BEND2: variants seen among roughly 807,000 people sequenced by gnomAD.
The protein encoded by BEND2 is BEN domain containing 2, also known as BEN domain-containing protein 2.
A neutral mutation model predicts 43.8 loss-of-function variants in BEND2; 19 were observed. The observed-to-expected ratio is 0.43, with a 90% confidence interval of 0.30 to 0.64. BEND2 has a LOEUF of 0.64. Among genes scored for constraint, BEND2 ranks in the 30% least tolerant of loss-of-function variants. The probability of loss-of-function intolerance (pLI) is 0.11; values close to 1 mark genes in which losing one functional copy is unlikely to be tolerated. For synonymous variants in BEND2, 226 were observed against 210.1 expected (o/e 1.08, Z -0.66); for missense variants, 544 against 574.0 (o/e 0.95, Z 0.53).
chrX:18,179,612 G>C (rs963865474), intron 9 of BEND2, among the ~76,000 whole-genome samples: 1 of 112,190 alleles, frequency 8.9e-6, no homozygotes, highest in Non-Finnish European at 1.9e-5. Flanking sequence ...CCATGGCCAC[G>C]CCTATTCATT....
chrX:18,193,320 CT>C (rs1321001984), intron 7 of BEND2, among the ~76,000 whole-genome samples: 2 of 93,871 alleles, frequency 2.1e-5, no homozygotes, highest in African/African-American at 4.0e-5. Flanking sequence ...TTTTGAGACT[CT>C]GTCTCACAAA....
Position 18,195,282 on chromosome X carries a change from T to G in BEND2, c.1180+14A>C. 2.5e-6 allele frequency: 3 copies of G among 1,194,793 alleles called. No homozygotes were observed. Among genetic ancestry groups the G allele is most frequent in the Non-Finnish European group, 3.4e-6 (3 of 888,965 alleles). ...TGAGAGGCCTGCTTGTGATATCCAT[T>G]ATTTCAAACTCACCAAAATTAGAAG... On this transcript the variant is annotated intron_variant, in intron 7 of 13. Transcript: ENST00000380033.
intron 8 of BEND2, among the ~76,000 whole-genome samples, chrX:18,185,031 C>A (rs1390091014): frequency 9.2e-6 from 1 of 109,056 alleles, no homozygotes; most frequent in Non-Finnish European, 1.9e-5. Flanking sequence ...CTGAAGAATG[C>A]ATCAGGGTCT....
At chrX:18,201,702 A>C in intron 6 of BEND2, 113 bp downstream of exon 6, 1 of 882,828 alleles carries the variant, frequency 1.1e-6, no homozygotes, top group Non-Finnish European at 1.5e-6. Flanking sequence ...CATGTTGGTC[A>C]GGCTGGTCTC....
At chrX:18,177,897 T>A in intron 9 of BEND2, 128 bp from the exon 10 acceptor site, 1 of 632,981 alleles carries the variant, frequency 1.6e-6, no homozygotes, top group Non-Finnish European at 2.4e-6. Context: ...AGATAAATGA[T>A]TTCTAATTCA....
chrX:18,195,790 T>G (rs1924925086), intron 6 of BEND2, among the ~76,000 whole-genome samples: 1 of 105,127 alleles, frequency 9.5e-6, no homozygotes, highest in Non-Finnish European at 1.9e-5. Flanking sequence ...TGAGGGAGGG[T>G]CACCTGAGCC....
chrX:18,198,218 A>G (rs1317733110), intron 6 of BEND2, among the ~76,000 whole-genome samples: 3 of 110,839 alleles, frequency 2.7e-5, no homozygotes, highest in African/African-American at 6.6e-5. Flanking sequence ...TAATCAAACT[A>G]AAGAGCTTCT....
intron 8 of BEND2, among the ~76,000 whole-genome samples, chrX:18,184,590 G>A (rs1924508297): frequency 1.8e-5 from 2 of 112,100 alleles, no homozygotes; most frequent in Admixed American, 1.9e-4. Context: ...CTGCATTACT[G>A]GACTTGGGGT....
Position 18,201,795 on chromosome X carries a change from A to G in BEND2, c.1033+20T>C, listed in dbSNP as rs757820042. 15 of 1,197,586 alleles carry G rather than the reference A, an allele frequency of 1.3e-5. No individual in the cohort carries two copies. The highest frequency in any genetic ancestry group is 2.3e-4 in the Middle Eastern group (1 of 4,309). On this transcript the variant is annotated intron_variant, in intron 6 of 13. Coordinates refer to ENST00000380033, the MANE Select transcript of BEND2 (RefSeq NM_153346.5). ...AGTGTGAGCCACCACGCCCAGCATT[A>G]TGTATCATTTCAAACTCACCAAAAT...
chrX:18,191,849 G>A (rs1324535195), intron 7 of BEND2, among the ~76,000 whole-genome samples: 7 of 112,025 alleles, frequency 6.2e-5, no homozygotes, highest in East Asian at 5.6e-4. Flanking sequence ...AAGGTATCAC[G>A]TCAACACCCT....
intron 8 of BEND2, among the ~76,000 whole-genome samples, chrX:18,189,302 G>T (rs1472390406): frequency 1.8e-5 from 2 of 110,753 alleles, no homozygotes; most frequent in Non-Finnish European, 3.8e-5. Context: ...GAGCCCAGGA[G>T]ATTGAGACCA....
intron 4 of BEND2, among the ~76,000 whole-genome samples, chrX:18,205,906 C>T (rs1925319406): frequency 9.0e-6 from 1 of 111,066 alleles, no homozygotes; most frequent in South Asian, 3.8e-4. Flanking sequence ...AACCACTGGG[C>T]TATGGCACTG....
At chrX:18,172,635 A>G (rs1452381578) in intron 12 of BEND2, among the ~76,000 whole-genome samples, 1 of 110,749 alleles carries the variant, frequency 9.0e-6, no homozygotes, top group Admixed American at 9.7e-5. Flanking sequence ...TGGAGGTTGC[A>G]GTGAGCCGAG....
chrX:18,193,004 A>G (rs1327117595), intron 7 of BEND2, among the ~76,000 whole-genome samples: 1 of 110,169 alleles, frequency 9.1e-6, no homozygotes, highest in African/African-American at 3.3e-5. Flanking sequence ...AAACAAAAAC[A>G]AAAACAAAAA....
intron 4 of BEND2, among the ~76,000 whole-genome samples, chrX:18,212,220 G>C (rs748012530): frequency 1.9e-5 from 2 of 105,844 alleles, no homozygotes; most frequent in Non-Finnish European, 3.9e-5. Flanking sequence ...TCAGCCTCCC[G>C]AGTAGCTAGG....
intron 1 of BEND2, among the ~76,000 whole-genome samples, chrX:18,220,016 G>A (rs1004549662): frequency 1.8e-5 from 2 of 111,577 alleles, no homozygotes; most frequent in African/African-American, 6.5e-5. Flanking sequence ...CCCATACCCC[G>A]CCTCACCAAA....
intron 5 of BEND2, 44 bp downstream of exon 5, chrX:18,203,457 A>C (rs1483333767): frequency 1.8e-6 from 2 of 1,131,550 alleles, no homozygotes; most frequent in Admixed American, 5.1e-5. Flanking sequence ...TTTAAAATCT[A>C]GATTGAAGAA....
intron 4 of BEND2, among the ~76,000 whole-genome samples, chrX:18,212,251 C>T (rs1485044385): frequency 9.1e-6 from 1 of 109,316 alleles, no homozygotes; most frequent in Admixed American, 9.8e-5. Flanking sequence ...TGCACCACCA[C>T]GCCAAGCTAA....
At chrX:18,208,357 C>T (rs1481787246) in intron 4 of BEND2, among the ~76,000 whole-genome samples, 1 of 109,652 alleles carries the variant, frequency 9.1e-6, no homozygotes, top group African/African-American at 3.3e-5. Flanking sequence ...CGTGGTGGCA[C>T]GTGCCTGTAG....
Sources: allele counts gnomAD v4.1 joint callset (sites outside exome capture counted in the v4.1 genomes callset), GRCh38; gene constraint gnomAD v4.1.1; transcripts MANE v1.5; gene names NCBI Gene and HGNC (gene_info 2026-07-23, HGNC 2026-07-21).